C1QTNF7: variants seen among roughly 807,000 people sequenced by gnomAD.
C1QTNF7 encodes the protein C1q and TNF related 7, also known as complement C1q tumor necrosis factor-related protein 7.
A neutral mutation model predicts 19.6 loss-of-function variants in C1QTNF7; 15 were observed. The observed-to-expected ratio is 0.76, with a 90% CI of 0.51 to 1.18. The LOEUF (loss-of-function observed/expected upper bound fraction) is 1.18. Ranked by LOEUF, C1QTNF7 falls within the 50% of genes most tolerant of loss-of-function variation. C1QTNF7 has a pLI of 0.00. For missense variants in C1QTNF7, 324 were observed against 359.7 expected, an observed-to-expected ratio of 0.90 and a Z score of 0.80; for synonymous variants, 142 against 137.5, an observed-to-expected ratio of 1.03 and a Z score of -0.23.
At chr4:15,374,529 A>T (rs1717854814) in intron 1 of C1QTNF7, 5 of 979,036 alleles carry the variant, frequency 5.1e-6, no homozygotes, top group Non-Finnish European at 6.1e-6. Context: ...CAATCAGGAG[A>T]TCTGTGTAGG....
At chr4:15,420,976 A>G (rs1711731421) in intron 1 of C1QTNF7, among the ~76,000 whole-genome samples, 1 of 151,674 alleles carries the variant, frequency 6.6e-6, no homozygotes. Flanking sequence ...GTGAATATGT[A>G]TGCAAGAGGC....
Position 15,443,796 on chromosome 4 carries a change from T to C in C1QTNF7, c.*997T>C, listed in dbSNP as rs1361424846. ...GGTTTCCCAAGACAAACATTTGTCC[T>C]AATAGCTTTCTCATAAATATGGGCA... On this transcript the variant is annotated 3_prime_UTR_variant, in exon 3 of 3. Transcript: ENST00000444304. 1 of 152,232 alleles carries C rather than the reference T, an allele frequency of 6.6e-6. No individual in the cohort carries two copies. The highest frequency in any genetic ancestry group is 1.9e-4 in the East Asian group (1 of 5,206). The allele number at this position is 152,232 out of a possible 1,614,324, so 9.4% of individuals were successfully genotyped here. A position where few individuals can be genotyped will look rare whatever the true frequency, so the allele number is the denominator to read the frequency against.
chr4:15,429,572 CCTTTT>C (rs1198655027), intron 1 of C1QTNF7, among the ~76,000 whole-genome samples: 6 of 152,160 alleles, frequency 3.9e-5, no homozygotes, highest in African/African-American at 1.4e-4. Flanking sequence ...TATCTCCTTT[CCTTTT>C]AAGGCTGAAG....
At chr4:15,391,955 T>C (rs199678700) in intron 1 of C1QTNF7, among the ~76,000 whole-genome samples, 1 of 151,454 alleles carries the variant, frequency 6.6e-6, no homozygotes, top group African/African-American at 2.4e-5. Context: ...AGACAGGCAG[T>C]GAGAGAGAGA....
intron 1 of C1QTNF7, among the ~76,000 whole-genome samples, chr4:15,395,852 C>T (rs1016227577): frequency 3.3e-5 from 5 of 152,146 alleles, no homozygotes; most frequent in Non-Finnish European, 5.9e-5. Context: ...TATCCTGCCC[C>T]TATGGTCATC....
intron 2 of C1QTNF7, among the ~76,000 whole-genome samples, chr4:15,441,295 T>C (rs913523056): frequency 1.3e-5 from 2 of 152,226 alleles, no homozygotes; most frequent in African/African-American, 2.4e-5. Flanking sequence ...TCATTTGCAA[T>C]GAAAGTAATA....
intron 2 of C1QTNF7, among the ~76,000 whole-genome samples, chr4:15,437,816 A>C (rs1712595217): frequency 6.6e-6 from 1 of 152,190 alleles, no homozygotes; most frequent in African/African-American, 2.4e-5. Context: ...CAGGATATTC[A>C]ATAGCATTCC....
chr4:15,394,603 C>T (rs1275860910), intron 1 of C1QTNF7, among the ~76,000 whole-genome samples: 1 of 152,194 alleles, frequency 6.6e-6, no homozygotes, highest in Non-Finnish European at 1.5e-5. Flanking sequence ...AGGAAGGGAT[C>T]TGTGTGTGGG....
At chr4:15,435,452 T>C (rs1045001449) in intron 1 of C1QTNF7, among the ~76,000 whole-genome samples, 1 of 152,354 alleles carries the variant, frequency 6.6e-6, no homozygotes, top group South Asian at 2.1e-4. Flanking sequence ...AAATCCATCA[T>C]TGATTTCTGA....
chr4:15,375,017 C>T lies in C1QTNF7; in HGVS notation c.13+34810C>T, dbSNP rs563719951. On this transcript the variant is annotated intron_variant, in intron 1 of 2. Transcript: ENST00000295297. ...CTTGGGAAGGGTTAGTTTTGAAAAG[C>T]CCTTCCTTGCCAATTATGCTCCTTC... Among the ~76,000 whole-genome samples the T allele has an allele frequency of 1.3e-4, 20 of 151,922 alleles. 1 individual carries two copies. In the South Asian group the frequency reaches 4.2e-3, roughly 32 times the overall value.
chr4:15,411,891 ACCGGTACTGGTGCAAGG>A (rs71991461), intron 1 of C1QTNF7, among the ~76,000 whole-genome samples: 56,119 of 151,866 alleles, frequency 0.37, 10,531 homozygotes, highest in East Asian at 0.54. Flanking sequence ...TGAACCACGC[ACCGGTACTGGTGCAAGG>A]CCCATTAGGA....
At chr4:15,399,395 G>C (rs1718904188) in intron 1 of C1QTNF7, among the ~76,000 whole-genome samples, 1 of 152,082 alleles carries the variant, frequency 6.6e-6, no homozygotes, top group Admixed American at 6.5e-5. Flanking sequence ...GAATATCTCT[G>C]TAGGCTCCGC....
intron 1 of C1QTNF7, among the ~76,000 whole-genome samples, chr4:15,378,457 T>C (rs1258652042): frequency 6.6e-6 from 1 of 152,234 alleles, no homozygotes; most frequent in Non-Finnish European, 1.5e-5. Flanking sequence ...CCAAACTATA[T>C]TACAGTAGCT....
chr4:15,439,709 G>A (rs1326695140), intron 2 of C1QTNF7, among the ~76,000 whole-genome samples: 2 of 152,114 alleles, frequency 1.3e-5, no homozygotes, highest in Non-Finnish European at 2.9e-5. Flanking sequence ...TATTTGCTCT[G>A]ACTACAAAAG....
chr4:15,423,659 G>A (rs1282775045), upstream of C1QTNF7, among the ~76,000 whole-genome samples: 1 of 152,140 alleles, frequency 6.6e-6, no homozygotes, highest in African/African-American at 2.4e-5. Flanking sequence ...ACAGAGCCCC[G>A]CCTGGCCCAG....
chr4:15,412,193 G>T (rs548930485), intron 1 of C1QTNF7, among the ~76,000 whole-genome samples: 3 of 152,052 alleles, frequency 2.0e-5, no homozygotes, highest in African/African-American at 7.2e-5. Context: ...ATAAGTTCAG[G>T]GCTCCCACTG....
At chr4:15,366,886 A>C (rs1434854079) in intron 1 of C1QTNF7, among the ~76,000 whole-genome samples, 1 of 152,180 alleles carries the variant, frequency 6.6e-6, no homozygotes. Flanking sequence ...GGTCATGCTG[A>C]TGCACATGAG....
intron 1 of C1QTNF7, among the ~76,000 whole-genome samples, chr4:15,398,399 C>T (rs1718868206): frequency 6.7e-6 from 1 of 150,046 alleles, no homozygotes; most frequent in African/African-American, 2.4e-5. Flanking sequence ...ATGTCCAAGT[C>T]CCTTTATTTA....
intron 1 of C1QTNF7, among the ~76,000 whole-genome samples, chr4:15,381,367 A>G (rs929099311): frequency 1.3e-5 from 2 of 151,662 alleles, no homozygotes; most frequent in African/African-American, 4.9e-5. Context: ...CTGTGAGCAG[A>G]GCAGAGATGG....
Sources: gnomAD v4.1 joint callset for allele counts (sites outside exome capture counted in the v4.1 genomes callset) on GRCh38, gnomAD v4.1.1 for gene constraint, MANE v1.5 for transcripts, NCBI Gene and HGNC (gene_info 2026-07-23, HGNC 2026-07-21) for gene names.